The following ZAP70 variants were observed in gnomAD, a reference collection of about 807,000 sequenced individuals.
ZAP70 encodes zeta chain of T cell receptor associated protein kinase 70, also known as tyrosine-protein kinase ZAP-70.
A neutral mutation model predicts 65.8 loss-of-function variants in ZAP70; 27 were observed. The ratio of observed to expected loss-of-function variants is 0.41; its 90% CI spans 0.30 to 0.57. ZAP70 has a LOEUF of 0.57. Ranked by LOEUF, ZAP70 falls within the 20% of genes least tolerant of loss-of-function variation. The pLI, the probability that ZAP70 is intolerant of heterozygous loss-of-function variation, is 0.28. For synonymous variants in ZAP70, 363 were observed against 360.8 expected (o/e 1.01, Z -0.07); for missense variants, 696 against 870.5 (o/e 0.80, Z 2.52).
rs564191252 is a variant in ZAP70 at position 97,736,799 on chromosome 2, G to A, written c.1290-674G>A. ...CGGGCAGGGAGGGGATGAGCAGACC[G>A]TGCCAGGCCTTGCGGGCTGCCAGGA... is the stretch of plus-strand genomic sequence containing the variant. On this transcript the variant is annotated intron_variant, in intron 10 of 13. Transcript: ENST00000264972. This position sits in a 1 kb window ranked among gnomAD's most constrained non-coding sequence, Gnocchi z 4.0. Among the ~76,000 whole-genome samples the A allele has an allele frequency of 5.9e-5, 9 of 152,286 alleles. No homozygotes were observed. The South Asian group carries it at 1.2e-3, about 21-fold the overall frequency.
At chr2:97,746,912 G>A in the ZAP70 span, among the ~76,000 whole-genome samples, 1 of 151,960 alleles carries the variant, frequency 6.6e-6, no homozygotes, top group Non-Finnish European at 1.5e-5. Flanking sequence ...AATGGACAAA[G>A]GATTTGAACA....
chr2:97,737,443 C>G lies in ZAP70; in HGVS notation c.1290-30C>G. Reference sequence around the variant, plus strand: ...CCTGGGAACTTGGCTAGTCTTCTCCCAGCTGACCCCGCCTTCCCCGCCACC... The same window carrying G: ...CCTGGGAACTTGGCTAGTCTTCTCCGAGCTGACCCCGCCTTCCCCGCCACC... On this transcript the variant is annotated intron_variant, in intron 10 of 13. Coordinates refer to ENST00000264972, the MANE Select transcript of ZAP70 (RefSeq NM_001079.4). The surrounding 1 kb of genome is among the most constrained non-coding windows in gnomAD (Gnocchi z 5.0). 1 of 1,613,292 alleles carries G rather than the reference C, an allele frequency of 6.2e-7. No homozygotes were observed. Among genetic ancestry groups the G allele is most frequent in the Non-Finnish European group, 8.5e-7 (1 of 1,179,304 alleles).
At chr2:97,719,755 G>T (rs1455912490) in intron 2 of ZAP70, among the ~76,000 whole-genome samples, 4 of 151,932 alleles carry the variant, frequency 2.6e-5, no homozygotes, top group African/African-American at 9.7e-5. Flanking sequence ...TATCATTTTA[G>T]TGAAAAATTC....
chr2:97,747,396 G>T, the ZAP70 span, among the ~76,000 whole-genome samples: 1 of 152,322 alleles, frequency 6.6e-6, no homozygotes, highest in African/African-American at 2.4e-5. Context: ...AAGGAATGAA[G>T]TACTGATACA....
chr2:97,753,260 C>A, the ZAP70 span, among the ~76,000 whole-genome samples: 18 of 152,206 alleles, frequency 1.2e-4, no homozygotes, highest in Non-Finnish European at 2.1e-4. Context: ...AACTGTTGAT[C>A]GTCATTATAA....
At position 97,737,678 on chromosome 2, in the gene ZAP70, C is replaced by A; in HGVS notation, c.1482+13C>A. 6.2e-7 allele frequency: 1 copy of A among 1,614,066 alleles called. No homozygotes were observed. Among genetic ancestry groups the A allele is most frequent in the South Asian group, 1.1e-5 (1 of 91,082 alleles). On this transcript the variant is annotated intron_variant, in intron 11 of 13. Transcript: ENST00000264972. The surrounding 1 kb of genome is among the most constrained non-coding windows in gnomAD (Gnocchi z 5.0). ...CAGCTACTACACTGTAAGCCTCTGC[C>A]CCTGTGATGCCCGACTGGATGGGCT...
intron 3 of ZAP70, 115 bp from the exon 4 acceptor site, chr2:97,724,977 G>A (rs2104664603): frequency 6.4e-7 from 1 of 1,551,108 alleles, no homozygotes; most frequent in Admixed American, 1.9e-5. Flanking sequence ...TGCCTAACAC[G>A]CGCTAGGGAC....
At chr2:97,735,811 A>C (rs1162529932) in intron 10 of ZAP70, among the ~76,000 whole-genome samples, 1 of 152,190 alleles carries the variant, frequency 6.6e-6, no homozygotes, top group African/African-American at 2.4e-5. Context: ...CAAGAGATCC[A>C]GACCATCCTG....
chr2:97,738,344 A>C, intron 13 of ZAP70: 1 of 580,558 alleles, frequency 1.7e-6, no homozygotes, highest in Non-Finnish European at 3.1e-6. Context: ...GTGCCTCAGC[A>C]TCTAAAACCT....
At chr2:97,739,867 C>A, downstream of ZAP70, 1 of 273,844 alleles carries the variant, frequency 3.7e-6, no homozygotes, top group Non-Finnish European at 7.1e-6. Flanking sequence ...CTTGTCTGAG[C>A]GCCCTCATCT....
rs1231599043 is a variant in ZAP70, at chr2:97,737,788, G to A, written c.1514G>A (p.Trp505Ter). ...TCAGCAGGGAAGTGGCCGCTCAAGT[G>A]GTACGCACCCGAATGCATCAACTTC... Reference protein sequence around the residue: ...ARSAGKWPLKWYAPECINFRK... With the variant: ...ARSAGKWPLK Residue 505 changes from tryptophan to a stop codon, truncating the protein, a stop_gained, in exon 12 of 14, where the codon TGG (tryptophan) becomes TAG (stop). Transcript: ENST00000264972. LOFTEE classifies it high-confidence loss of function. The surrounding 1 kb of genome is among the most constrained non-coding windows in gnomAD (Gnocchi z 5.0). 1 of 1,614,132 alleles carries A rather than the reference G, an allele frequency of 6.2e-7. No homozygotes were observed.
At chr2:97,727,694 C>G (rs1677445378) in intron 4 of ZAP70, among the ~76,000 whole-genome samples, 1 of 152,316 alleles carries the variant, frequency 6.6e-6, no homozygotes, top group East Asian at 1.9e-4. Flanking sequence ...GTAAATTCAT[C>G]TGTCTTCTTT....
chr2:97,738,312 C>G lies in ZAP70; in HGVS notation c.1736+205C>G, dbSNP rs1677995931. 2.7e-5 allele frequency: 17 copies of G among 620,620 alleles called. No homozygotes were observed. In the South Asian group the frequency reaches 3.2e-4, roughly 12 times the overall value. The allele number at this position is 620,620 out of a possible 1,614,324, so 38.4% of individuals were successfully genotyped here. A position where few individuals can be genotyped will look rare whatever the true frequency, so the allele number is the denominator to read the frequency against. ...CTGTCCTGCTCCAGTGTGCCACACC[C>G]TGCCATCCCACCTGTGGGCCTGTGC... On this transcript the variant is annotated intron_variant, in intron 13 of 13. Transcript: ENST00000264972.
At chr2:97,716,482 G>C (rs1229787100) in intron 2 of ZAP70, among the ~76,000 whole-genome samples, 2 of 152,186 alleles carry the variant, frequency 1.3e-5, no homozygotes, top group East Asian at 1.9e-4. Flanking sequence ...CAACAAAGCT[G>C]GGTCAGGGCT....
intron 3 of ZAP70, 170 bp downstream of exon 3, chr2:97,724,608 AG>A: frequency 3.3e-6 from 5 of 1,533,804 alleles, no homozygotes; most frequent in Non-Finnish European, 4.4e-6. Context: ...GAGGCCTCAG[AG>A]GCAGGGGCTC....
At chr2:97,743,037 C>G (rs1678167386), downstream of ZAP70, among the ~76,000 whole-genome samples, 1 of 152,198 alleles carries the variant, frequency 6.6e-6, no homozygotes, top group Admixed American at 6.5e-5. Context: ...TGTTTCTCAT[C>G]TAGGAAGGGG....
rs189639741 is a variant in ZAP70, at chr2:97,735,070, G to A, written c.1083-180G>A. On this transcript the variant is annotated intron_variant, in intron 9 of 13. Coordinates refer to ENST00000264972, the MANE Select transcript of ZAP70 (RefSeq NM_001079.4). ...TTCCCGGTGAGCGATCCGGCTGTGA[G>A]CCGTCCTCAGCAGACGCTCCAGGCT... The A allele has an allele frequency of 7.6e-5, 57 of 752,334 alleles. No homozygotes were observed. In the East Asian group the frequency reaches 1.2e-3, roughly 16 times the overall value. The allele number at this position is 752,334 out of a possible 1,614,324, so 46.6% of individuals were successfully genotyped here.
At chr2:97,735,114 T>A in intron 9 of ZAP70, 136 bp from the exon 10 acceptor site, 1 of 1,078,990 alleles carries the variant, frequency 9.3e-7, no homozygotes, top group Non-Finnish European at 1.3e-6. Context: ...ATTGAGCGCC[T>A]TGGTCCCAGC....
rs1677602548 is a variant in ZAP70 at position 97,731,427 on chromosome 2, T to C, written c.564-1456T>C. 6.6e-6 allele frequency among the ~76,000 whole-genome samples: 1 copy of C among 152,100 alleles called. No homozygotes were observed. The highest frequency in any genetic ancestry group is 1.5e-5 in the Non-Finnish European group (1 of 68,018). On this transcript the variant is annotated intron_variant, in intron 4 of 13. Coordinates refer to ENST00000264972, the MANE Select transcript of ZAP70 (RefSeq NM_001079.4). This position sits in a 1 kb window ranked among gnomAD's most constrained non-coding sequence, Gnocchi z 4.0. ...GTCCCAGCCTACTGTCTCTGTGGGA[T>C]GTTTGTTTCCTAATTTGTGGTGGGT...
Sources: gnomAD v4.1 joint callset for allele counts (sites outside exome capture counted in the v4.1 genomes callset) on GRCh38, gnomAD v4.1.1 for gene constraint, Gnocchi (gnomAD v3.1) non-coding constraint, MANE v1.5 for transcripts, NCBI Gene and HGNC (gene_info 2026-07-23, HGNC 2026-07-21) for gene names.